ANKFN1: variants seen among roughly 807,000 people sequenced by gnomAD.
ANKFN1 encodes the protein ankyrin repeat and fibronectin type III domain containing 1, also known as ankyrin repeat and fibronectin type-III domain-containing protein 1.
A neutral mutation model predicts 108.7 loss-of-function variants in ANKFN1; 74 were observed. The observed-to-expected ratio is 0.68, with a 90% CI of 0.56 to 0.83. ANKFN1 has a LOEUF of 0.83. Among genes scored for constraint, ANKFN1 ranks in the 40% least tolerant of loss-of-function variants. The probability of loss-of-function intolerance (pLI) is 0.00; values close to 1 mark genes in which losing one functional copy is unlikely to be tolerated. For synonymous variants in ANKFN1, 547 were observed against 516.2 expected (o/e 1.06, Z -0.81); for missense variants, 1,505 against 1,382.3 (o/e 1.09, Z -1.41).
intron 1 of ANKFN1, among the ~76,000 whole-genome samples, chr17:56,180,413 A>G (rs1598189974): frequency 6.6e-6 from 1 of 152,158 alleles, no homozygotes. Flanking sequence ...AAATGTGCAA[A>G]CCCTAAGATT....
chr17:56,395,131 G>T (rs911571207), intron 8 of ANKFN1, among the ~76,000 whole-genome samples: 2 of 152,154 alleles, frequency 1.3e-5, no homozygotes, highest in African/African-American at 4.8e-5. Flanking sequence ...ATCAGCTAGG[G>T]TTCCAGCAGA....
chr17:56,072,129 T>G (rs1375109533), intron 4 of ANKFN1, among the ~76,000 whole-genome samples: 2 of 152,236 alleles, frequency 1.3e-5, no homozygotes, highest in Non-Finnish European at 2.9e-5. Flanking sequence ...GTATACAGTA[T>G]TCTGCTGCAA....
At chr17:56,058,711 T>A (rs201512216) in intron 4 of ANKFN1, among the ~76,000 whole-genome samples, 1 of 152,174 alleles carries the variant, frequency 6.6e-6, no homozygotes, top group East Asian at 1.9e-4. Flanking sequence ...TGTGTTAGTT[T>A]GCTGAGGATG....
chr17:56,260,466 G>A (rs971555121), intron 3 of ANKFN1, among the ~76,000 whole-genome samples: 11 of 152,202 alleles, frequency 7.2e-5, no homozygotes, highest in African/African-American at 2.6e-4. Context: ...GGCAAATAGG[G>A]GCGGGTGGGG....
chr17:56,092,264 G>GTTTTTTT (rs1905433026), intron 4 of ANKFN1, among the ~76,000 whole-genome samples: 1 of 129,412 alleles, frequency 7.7e-6, no homozygotes, highest in African/African-American at 3.8e-5. Flanking sequence ...GAGTGAGGTA[G>GTTTTTTT]TATTTTTTTT....
At chr17:56,225,486 T>A (rs1916201984) in intron 2 of ANKFN1, among the ~76,000 whole-genome samples, 1 of 152,190 alleles carries the variant, frequency 6.6e-6, no homozygotes, top group Non-Finnish European at 1.5e-5. Context: ...TGTTATATTG[T>A]GATGTGATCC....
At chr17:56,387,664 T>C (rs899005253) in intron 8 of ANKFN1, among the ~76,000 whole-genome samples, 2 of 152,136 alleles carry the variant, frequency 1.3e-5, no homozygotes, top group African/African-American at 2.4e-5. Context: ...GTGTGTGTTG[T>C]TTAAGTACCC....
chr17:56,084,907 G>A (rs1400450217), intron 4 of ANKFN1, among the ~76,000 whole-genome samples: 1 of 150,838 alleles, frequency 6.6e-6, no homozygotes, highest in Middle Eastern at 3.2e-3. Flanking sequence ...TAATGCAACA[G>A]CAATAAGGTG....
intron 1 of ANKFN1, among the ~76,000 whole-genome samples, chr17:56,170,487 G>A (rs1296952256): frequency 6.6e-6 from 1 of 152,014 alleles, no homozygotes; most frequent in African/African-American, 2.4e-5. Context: ...AACAGGTCGG[G>A]TGCAGTGGCT....
Position 56,411,850 on chromosome 17 carries a change from G to A in ANKFN1, c.911-28477G>A, listed in dbSNP as rs539600590. 9.2e-5 allele frequency among the ~76,000 whole-genome samples: 14 copies of A among 152,192 alleles called. No homozygotes were observed. The South Asian group carries it at 2.9e-3, about 32-fold the overall frequency. On this transcript the variant is annotated intron_variant, in intron 8 of 20. Transcript: ENST00000682825. Reference sequence around the variant, plus strand: ...CCTGGAATGAATCCCACTTCATCATGGTAAATTATATTTATAGTGTGCTGT... The same window carrying A: ...CCTGGAATGAATCCCACTTCATCATAGTAAATTATATTTATAGTGTGCTGT...
At chr17:56,208,459 G>A (rs1453518137) in intron 1 of ANKFN1, among the ~76,000 whole-genome samples, 2 of 152,204 alleles carry the variant, frequency 1.3e-5, no homozygotes, top group East Asian at 3.9e-4. Flanking sequence ...ATCAAAAAAT[G>A]TCTCCAGACA....
chr17:56,257,270 G>A (rs1256799255), intron 3 of ANKFN1, among the ~76,000 whole-genome samples: 1 of 152,156 alleles, frequency 6.6e-6, no homozygotes, highest in Non-Finnish European at 1.5e-5. Context: ...ACACTAGAGG[G>A]CTAAGTTAAT....
chr17:56,077,226 A>G (rs115485641), intron 4 of ANKFN1, among the ~76,000 whole-genome samples: 3,093 of 152,284 alleles, frequency 0.02, 50 homozygotes, highest in South Asian at 0.039. Context: ...TCCCCACTGT[A>G]TTGGTCAACC....
chr17:56,306,013 T>C (rs1421906513), intron 3 of ANKFN1, among the ~76,000 whole-genome samples: 2 of 152,224 alleles, frequency 1.3e-5, no homozygotes, highest in African/African-American at 4.8e-5. Flanking sequence ...CATTAATCTA[T>C]ATGTCTATCT....
intron 3 of ANKFN1, among the ~76,000 whole-genome samples, chr17:56,233,363 A>G (rs780486953): frequency 2.6e-5 from 4 of 152,068 alleles, no homozygotes; most frequent in Non-Finnish European, 5.9e-5. Context: ...CGAAAATGGA[A>G]AATCAAAACA....
At chr17:56,182,878 C>T (rs1296475489) in intron 1 of ANKFN1, among the ~76,000 whole-genome samples, 3 of 152,140 alleles carry the variant, frequency 2.0e-5, no homozygotes, top group Admixed American at 2.0e-4. Flanking sequence ...ATTTATCATT[C>T]TGAAAATCCT....
At chr17:56,438,573 T>C (rs981067811) in intron 8 of ANKFN1, among the ~76,000 whole-genome samples, 3 of 152,186 alleles carry the variant, frequency 2.0e-5, no homozygotes, top group Non-Finnish European at 2.9e-5. Context: ...AAGGATTTTT[T>C]TTCTTGAGAC....
At chr17:56,243,002 C>A (rs1917702811) in intron 3 of ANKFN1, among the ~76,000 whole-genome samples, 1 of 152,112 alleles carries the variant, frequency 6.6e-6, no homozygotes, top group East Asian at 1.9e-4. Context: ...TTATTGCATT[C>A]TTGGCATAAA....
chr17:56,188,579 GTGTATA>G (rs1455034066), intron 1 of ANKFN1, among the ~76,000 whole-genome samples: 226 of 71,380 alleles, frequency 3.2e-3, no homozygotes, highest in Non-Finnish European at 4.0e-3. Flanking sequence ...GTGTGTGTGT[GTGTATA>G]TATATATATA....
Sources: allele counts gnomAD v4.1 joint callset (sites outside exome capture counted in the v4.1 genomes callset), GRCh38; gene constraint gnomAD v4.1.1; transcripts MANE v1.5; gene names NCBI Gene and HGNC (gene_info 2026-07-23, HGNC 2026-07-21).